NEXMIF: variants seen among roughly 807,000 people sequenced by gnomAD.
The protein encoded by NEXMIF is XLMR protein related to neurite extension.
A neutral mutation model predicts 62.1 loss-of-function variants in NEXMIF; 8 were observed. That is an observed-to-expected ratio of 0.13 (90% CI 0.08 to 0.23). The LOEUF (loss-of-function observed/expected upper bound fraction) is 0.23, where lower values mean the gene tolerates loss of function less well. NEXMIF is among the 10% of genes least tolerant of loss of function. The pLI is 1.00. For synonymous variants in NEXMIF, 404 were observed against 416.6 expected, an observed-to-expected ratio of 0.97 and a Z score of 0.37; for missense variants, 976 against 1,113.3, an observed-to-expected ratio of 0.88 and a Z score of 1.75.
intron 1 of NEXMIF, among the ~76,000 whole-genome samples, chrX:74,903,880 CGTGTGTGTGTGT>C (rs3222701): frequency 0.13 from 12,536 of 94,010 alleles, 1,440 homozygotes; most frequent in East Asian, 0.9. Context: ...CAATTCTAAT[CGTGTGTGTGTGT>C]GTGTGTGTGT....
At chrX:74,794,406 G>C (rs1161786572) in intron 1 of NEXMIF, among the ~76,000 whole-genome samples, 2 of 108,595 alleles carry the variant, frequency 1.8e-5, no homozygotes, top group Non-Finnish European at 3.8e-5. Flanking sequence ...ATTTAAGTCT[G>C]CAGAGGTTAC....
intron 1 of NEXMIF, among the ~76,000 whole-genome samples, chrX:74,771,303 C>T (rs1399634470): frequency 9.0e-6 from 1 of 110,736 alleles, no homozygotes; most frequent in African/African-American, 3.3e-5. Context: ...ATGGCTCCAG[C>T]ATGAAGGTGG....
chrX:74,807,178 G>A (rs2080347515), intron 1 of NEXMIF, among the ~76,000 whole-genome samples: 1 of 112,166 alleles, frequency 8.9e-6, no homozygotes, highest in African/African-American at 3.2e-5. Flanking sequence ...CCATGTACGT[G>A]AAATATCTCC....
intron 1 of NEXMIF, among the ~76,000 whole-genome samples, chrX:74,846,769 A>G (rs1343191): frequency 0.33 from 36,416 of 111,207 alleles, 7,951 homozygotes; most frequent in East Asian, 0.93. Flanking sequence ...TATTGGGCAC[A>G]TACCCATATC....
intron 1 of NEXMIF, among the ~76,000 whole-genome samples, chrX:74,806,204 G>A (rs1238195040): frequency 9.0e-6 from 1 of 110,530 alleles, no homozygotes; most frequent in African/African-American, 3.3e-5. Flanking sequence ...CATGGATCAC[G>A]CCTTTGATGT....
At chrX:74,855,223 G>C (rs1482007668) in intron 1 of NEXMIF, among the ~76,000 whole-genome samples, 1 of 111,785 alleles carries the variant, frequency 8.9e-6, no homozygotes, top group Admixed American at 9.5e-5. Context: ...CAGACACACA[G>C]ATAAATGAAA....
chrX:74,890,189 CAT>C, intron 1 of NEXMIF, among the ~76,000 whole-genome samples: 1 of 111,162 alleles, frequency 9.0e-6, no homozygotes, highest in South Asian at 3.8e-4. Context: ...CCTAGACCTA[CAT>C]GTTTCTCTCA....
intron 1 of NEXMIF, among the ~76,000 whole-genome samples, chrX:74,877,563 C>G (rs1324440531): frequency 9.0e-6 from 1 of 111,616 alleles, no homozygotes; most frequent in African/African-American, 3.3e-5. Context: ...GGAAGTTCTC[C>G]TGGAGAATAT....
chrX:74,880,643 C>G (rs905968576), intron 1 of NEXMIF, among the ~76,000 whole-genome samples: 2 of 112,189 alleles, frequency 1.8e-5, no homozygotes, highest in Non-Finnish European at 3.8e-5. Flanking sequence ...ATGAGCATCA[C>G]TTGTTATCTC....
chrX:74,825,194 T>C (rs2080411224), intron 1 of NEXMIF, among the ~76,000 whole-genome samples: 1 of 111,714 alleles, frequency 9.0e-6, no homozygotes, highest in African/African-American at 3.3e-5. Context: ...TTTTTACAAG[T>C]CCTTTTGAGA....
chrX:74,851,068 TG>T (rs1401077041), intron 1 of NEXMIF, among the ~76,000 whole-genome samples: 1 of 108,310 alleles, frequency 9.2e-6, no homozygotes, highest in Admixed American at 9.9e-5. Flanking sequence ...ATTCACTGAA[TG>T]AAAAAAAAAT....
chrX:74,897,896 T>G (rs184769525), intron 1 of NEXMIF, among the ~76,000 whole-genome samples: 1 of 112,219 alleles, frequency 8.9e-6, no homozygotes, highest in African/African-American at 3.2e-5. Flanking sequence ...AGAAACAAAA[T>G]AAAGCAGTAT....
At chrX:74,881,392 G>GCACACA (rs367805528) in intron 1 of NEXMIF, among the ~76,000 whole-genome samples, 4,937 of 88,498 alleles carry the variant, frequency 0.056, 115 homozygotes, top group Non-Finnish European at 0.062. Context: ...ACATACACAT[G>GCACACA]CACACACACA....
chrX:74,757,991 T>C (rs1183929302), intron 1 of NEXMIF, among the ~76,000 whole-genome samples: 4 of 111,702 alleles, frequency 3.6e-5, no homozygotes, highest in Non-Finnish European at 7.5e-5. Context: ...GAAGATGTTA[T>C]GAAAAACATC....
intron 1 of NEXMIF, among the ~76,000 whole-genome samples, chrX:74,840,728 T>G (rs2080471276): frequency 8.9e-6 from 1 of 112,195 alleles, no homozygotes; most frequent in African/African-American, 3.2e-5. Flanking sequence ...TCACTATTTA[T>G]TGAATAGGAA....
chrX:74,865,146 T>A (rs1387188425), intron 1 of NEXMIF, among the ~76,000 whole-genome samples: 7 of 111,655 alleles, frequency 6.3e-5, no homozygotes, highest in Non-Finnish European at 1.3e-4. Flanking sequence ...GTTGGAACAG[T>A]TTGGAGTGCT....
At chrX:74,847,790 CTG>C (rs2080497530) in intron 1 of NEXMIF, among the ~76,000 whole-genome samples, 2 of 111,045 alleles carry the variant, frequency 1.8e-5, no homozygotes, top group South Asian at 7.7e-4. Context: ...CAACTCAAGG[CTG>C]TGAGTTAATT....
chrX:74,880,749 G>T (rs1348721636), intron 1 of NEXMIF, among the ~76,000 whole-genome samples: 4 of 111,810 alleles, frequency 3.6e-5, no homozygotes, highest in Non-Finnish European at 7.5e-5. Context: ...GCTTGAATTG[G>T]AGCCAAAATA....
At chrX:74,893,198 A>G (rs2080723247) in intron 1 of NEXMIF, among the ~76,000 whole-genome samples, 2 of 112,481 alleles carry the variant, frequency 1.8e-5, no homozygotes, top group Admixed American at 9.4e-5. Context: ...AAGAAACAAG[A>G]GTCTAAGTAA....
Sources: gnomAD v4.1 joint callset for allele counts (sites outside exome capture counted in the v4.1 genomes callset) on GRCh38, gnomAD v4.1.1 for gene constraint, MANE v1.5 for transcripts, NCBI Gene and HGNC (gene_info 2026-07-23, HGNC 2026-07-21) for gene names.